SCAI: variants seen among roughly 807,000 people sequenced by gnomAD.
The protein encoded by SCAI is suppressor of cancer cell invasion.
SCAI carries 24 observed loss-of-function variants against 92.2 expected under a neutral mutation model. That is an observed-to-expected ratio of 0.26 (90% CI 0.19 to 0.37). SCAI has a LOEUF of 0.37. Ranked by LOEUF, SCAI falls within the 10% of genes least tolerant of loss-of-function variation. The pLI, the probability that SCAI is intolerant of heterozygous loss-of-function variation, is 1.00. For missense variants in SCAI, 450 were observed against 736.2 expected, an observed-to-expected ratio of 0.61 and a Z score of 4.50; for synonymous variants, 261 against 258.6, an observed-to-expected ratio of 1.01 and a Z score of -0.09.
chr9:125,066,143 A>T, intron 2 of SCAI: 1 of 622,608 alleles, frequency 1.6e-6, no homozygotes, highest in Non-Finnish European at 2.9e-6. Flanking sequence ...AGAAATTTCA[A>T]AAGAATCTAT....
chr9:125,041,614 G>C (rs1425736714), intron 3 of SCAI, among the ~76,000 whole-genome samples: 3 of 152,122 alleles, frequency 2.0e-5, no homozygotes, highest in African/African-American at 4.8e-5. Flanking sequence ...CAAGTAAAAA[G>C]GGTTATAAAG....
intron 2 of SCAI, among the ~76,000 whole-genome samples, chr9:125,077,217 T>C (rs917374274): frequency 1.3e-5 from 2 of 152,204 alleles, no homozygotes; most frequent in African/African-American, 4.8e-5. Context: ...GGATGCATGA[T>C]AGGTAAGAAA....
intron 15 of SCAI, among the ~76,000 whole-genome samples, chr9:124,975,704 G>A (rs1430405420): frequency 6.6e-6 from 1 of 152,192 alleles, no homozygotes; most frequent in Non-Finnish European, 1.5e-5. Flanking sequence ...GGCATAGACT[G>A]AGAAGTTTCC....
intron 14 of SCAI, among the ~76,000 whole-genome samples, chr9:124,979,866 G>A (rs537362855): frequency 2.5e-4 from 38 of 152,000 alleles, no homozygotes; most frequent in African/African-American, 8.4e-4. Context: ...TGGCTAACAC[G>A]GTGAAACCCC....
At chr9:124,984,206 AG>A (rs2131605117) in intron 14 of SCAI, among the ~76,000 whole-genome samples, 1 of 152,348 alleles carries the variant, frequency 6.6e-6, no homozygotes, top group South Asian at 2.1e-4. Flanking sequence ...GATATGTTTC[AG>A]GAACAGCAAG....
intron 2 of SCAI, among the ~76,000 whole-genome samples, chr9:125,101,320 GC>G (rs1484881966): frequency 6.6e-6 from 1 of 152,304 alleles, no homozygotes; most frequent in East Asian, 1.9e-4. Flanking sequence ...AAGCAGGGAA[GC>G]CAGTTGTAAG....
rs144230376 is a variant in SCAI at position 125,006,480 on chromosome 9, ACATT to A, written c.862-2914_862-2911del. ...AGGAATATGTAGAAAATAACCTAAT[ACATT>A]CATTCATTCATTCATTCATTCATTT... On this transcript the variant is annotated intron_variant, in intron 9 of 17. Transcript: ENST00000336505. Among the ~76,000 whole-genome samples the A allele has an allele frequency of 1.4e-3, 220 of 152,312 alleles. 1 individual carries two copies. The highest frequency in any genetic ancestry group is 2.2e-3 in the Non-Finnish European group (149 of 68,032).
chr9:125,035,102 C>T (rs1833165328), intron 3 of SCAI, among the ~76,000 whole-genome samples: 1 of 152,136 alleles, frequency 6.6e-6, no homozygotes. Flanking sequence ...TGCTTGCAAT[C>T]CCAGCACTTT....
intron 6 of SCAI, among the ~76,000 whole-genome samples, chr9:125,024,043 G>A (rs1832918500): frequency 6.6e-6 from 1 of 151,708 alleles, no homozygotes; most frequent in African/African-American, 2.4e-5. Flanking sequence ...ATTTCCCACT[G>A]AAAAAAATAC....
intron 2 of SCAI, among the ~76,000 whole-genome samples, chr9:125,070,172 C>T (rs778196387): frequency 1.1e-4 from 17 of 152,074 alleles, no homozygotes; most frequent in South Asian, 2.1e-4. Context: ...ATACCAAGTA[C>T]AGAAAGTGTT....
chr9:125,027,091 A>T (rs1832978995), intron 5 of SCAI, among the ~76,000 whole-genome samples, 181 bp from the exon 6 acceptor site: 1 of 152,130 alleles, frequency 6.6e-6, no homozygotes, highest in African/African-American at 2.4e-5. Context: ...AAAAAATAAT[A>T]ATGAAATTTT....
intron 9 of SCAI, among the ~76,000 whole-genome samples, chr9:125,010,780 C>G (rs2131056028): frequency 6.6e-6 from 1 of 152,324 alleles, no homozygotes; most frequent in South Asian, 2.1e-4. Context: ...GGGAGGCACC[C>G]CCCAAGTAGG....
chr9:125,104,345 C>T (rs1834733401), intron 2 of SCAI, among the ~76,000 whole-genome samples: 1 of 152,016 alleles, frequency 6.6e-6, no homozygotes. Flanking sequence ...AAGTTAACTC[C>T]CAATCTTAAT....
intron 14 of SCAI, among the ~76,000 whole-genome samples, chr9:124,987,711 C>T (rs1832026076): frequency 6.6e-6 from 1 of 152,094 alleles, no homozygotes; most frequent in African/African-American, 2.4e-5. Context: ...CCTGTAATCC[C>T]AACACTTTGG....
At position 124,948,938 on chromosome 9, in the gene SCAI, T is replaced by C. The variant is rs1831193522; in HGVS notation, c.*3869A>G. ...TATAAAGGGCAGGTGGTATGCATTT[T>C]TAAAAAATGAAATTCTTTGCCACTA... On this transcript the variant is annotated 3_prime_UTR_variant, in exon 18 of 18. Transcript: ENST00000336505. 1 of 152,240 alleles carries C rather than the reference T, an allele frequency of 6.6e-6. No individual in the cohort carries two copies. The highest frequency in any genetic ancestry group is 6.5e-5 in the Admixed American group (1 of 15,280). 9.4% of individuals were successfully genotyped at this position (152,240 alleles called of 1,614,324 possible).
intron 15 of SCAI, among the ~76,000 whole-genome samples, chr9:124,973,453 T>C (rs1831697318): frequency 1.3e-5 from 2 of 152,102 alleles, no homozygotes; most frequent in South Asian, 4.1e-4. Flanking sequence ...ATCCCAGCAC[T>C]TTGGGAGGCC....
chr9:124,976,851 C>T (rs374987365), intron 14 of SCAI, among the ~76,000 whole-genome samples: 1 of 151,738 alleles, frequency 6.6e-6, no homozygotes, highest in African/African-American at 2.4e-5. Context: ...TGAATGAAGA[C>T]TTGAACAAAT....
Position 125,032,190 on chromosome 9 carries a change from T to TAC in SCAI, c.231-2452_231-2451insGT, listed in dbSNP as rs1470999715. Among the ~76,000 whole-genome samples the TAC allele has an allele frequency of 3.0e-3, 245 of 80,730 alleles. 4 individuals carry two copies. The highest frequency in any genetic ancestry group is 8.7e-3 in the African/African-American group (161 of 18,520). 53.0% of individuals were successfully genotyped at this position (80,730 alleles called of 152,430 possible). A position where few individuals can be genotyped will look rare whatever the true frequency, so the allele number is the denominator to read the frequency against. ...AAATGAATATATATATATATATATA[T>TAC]ATATATTTTTTTTTTTTTTTGAGAT... On this transcript the variant is annotated intron_variant, in intron 3 of 17. Transcript: ENST00000336505.
rs201818518 is a variant in SCAI at position 125,135,986 on chromosome 9, C to A, written c.98+6647G>T. Among the ~76,000 whole-genome samples the A allele has an allele frequency of 0.02, 2,582 of 132,016 alleles. 122 individuals carry two copies. The East Asian group carries it at 0.21, about 11-fold the overall frequency. 86.6% of individuals were successfully genotyped at this position (132,016 alleles called of 152,430 possible). On this transcript the variant is annotated intron_variant, in intron 2 of 17. Coordinates refer to ENST00000336505, the MANE Select transcript of SCAI (RefSeq NM_001144877.3). ...CCATCTCAAACAAAAAAAAAAAAAA[C>A]AAAAAAAAAACCATAATTCTGTCAA... is the stretch of plus-strand genomic sequence containing the variant.
Sources: allele counts gnomAD v4.1 joint callset (sites outside exome capture counted in the v4.1 genomes callset), GRCh38; gene constraint gnomAD v4.1.1; transcripts MANE v1.5; gene names NCBI Gene and HGNC (gene_info 2026-07-23, HGNC 2026-07-21).